Variants in TSPAN18 observed in about 807,000 individuals in gnomAD.
The protein encoded by TSPAN18 is tetraspanin 18, also known as tetraspanin-18.
A neutral mutation model predicts 27.3 loss-of-function variants in TSPAN18; 14 were observed. The observed-to-expected ratio is 0.51, with a 90% CI of 0.34 to 0.80. The LOEUF (loss-of-function observed/expected upper bound fraction) is 0.80, where lower values mean the gene tolerates loss of function less well. Ranked by LOEUF, TSPAN18 falls within the 30% of genes least tolerant of loss-of-function variation. TSPAN18 has a pLI of 0.01. For synonymous variants in TSPAN18, 143 were observed against 136.5 expected, an observed-to-expected ratio of 1.05 and a Z score of -0.33; for missense variants, 268 against 323.9, an observed-to-expected ratio of 0.83 and a Z score of 1.32.
intron 1 of TSPAN18, among the ~76,000 whole-genome samples, chr11:44,739,791 C>G (rs1441925465): frequency 8.0e-6 from 1 of 124,256 alleles, no homozygotes; most frequent in Non-Finnish European, 1.5e-5. Flanking sequence ...TGGGCTGCTC[C>G]TATGGGTTTT....
chr11:44,913,145 C>T (rs1859785686), intron 5 of TSPAN18, among the ~76,000 whole-genome samples: 2 of 152,244 alleles, frequency 1.3e-5, no homozygotes, highest in African/African-American at 4.8e-5. Context: ...ACTGCTTTCT[C>T]AGCCTGTCAG....
At chr11:44,915,879 C>T (rs1859888775) in intron 5 of TSPAN18, among the ~76,000 whole-genome samples, 1 of 152,198 alleles carries the variant, frequency 6.6e-6, no homozygotes, top group African/African-American at 2.4e-5. Flanking sequence ...GCCCGGCGGT[C>T]CCCTGTGAGA....
At chr11:44,804,602 G>A (rs1315805261) in intron 2 of TSPAN18, among the ~76,000 whole-genome samples, 2 of 152,154 alleles carry the variant, frequency 1.3e-5, no homozygotes, top group South Asian at 2.1e-4. Flanking sequence ...CAGAAGCTCC[G>A]TAACTAACAT....
chr11:44,731,633 T>TGTGTGAGAGAGAGAGAGAGAGAGA (rs139154582), intron 1 of TSPAN18, among the ~76,000 whole-genome samples: 5 of 107,382 alleles, frequency 4.7e-5, no homozygotes, highest in African/African-American at 1.8e-4. Context: ...TGTGTGTGTG[T>TGTGTGAGAGAGAGAGAGAGAGAGA]GAGAGAGAGA....
At chr11:44,831,337 C>T (rs1341079985) in intron 2 of TSPAN18, among the ~76,000 whole-genome samples, 3 of 152,052 alleles carry the variant, frequency 2.0e-5, no homozygotes, top group African/African-American at 7.2e-5. Flanking sequence ...TATGTATGCT[C>T]GGAGCTACAG....
chr11:44,920,025 G>A (rs1286063693), intron 8 of TSPAN18, 26 bp downstream of exon 8: 6 of 1,602,596 alleles, frequency 3.7e-6, no homozygotes, highest in South Asian at 1.1e-5. Context: ...TCCAGACAGG[G>A]GAGTGGGTCT....
At chr11:44,885,028 G>T (rs1858600961) in intron 3 of TSPAN18, among the ~76,000 whole-genome samples, 1 of 152,216 alleles carries the variant, frequency 6.6e-6, no homozygotes, top group South Asian at 2.1e-4. Flanking sequence ...ATGCCCAGTT[G>T]TCCACGTGCT....
intron 9 of TSPAN18, among the ~76,000 whole-genome samples, chr11:44,928,839 C>T (rs1860464773): frequency 6.6e-6 from 1 of 152,170 alleles, no homozygotes; most frequent in African/African-American, 2.4e-5. Context: ...GATACATACT[C>T]AGGCCCAGTG....
intron 1 of TSPAN18, among the ~76,000 whole-genome samples, chr11:44,733,639 T>C (rs1347047731): frequency 1.3e-5 from 2 of 152,124 alleles, no homozygotes; most frequent in African/African-American, 4.8e-5. Context: ...TTGCAGGAAC[T>C]ATCTGGAAAC....
intron 2 of TSPAN18, among the ~76,000 whole-genome samples, chr11:44,818,056 T>C (rs1218351092): frequency 6.6e-6 from 1 of 152,226 alleles, no homozygotes; most frequent in East Asian, 1.9e-4. Flanking sequence ...AGAGTTCTGA[T>C]TTTTTTCCAT....
chr11:44,879,752 A>T (rs1376607777), intron 3 of TSPAN18, among the ~76,000 whole-genome samples: 1 of 152,232 alleles, frequency 6.6e-6, no homozygotes, highest in Non-Finnish European at 1.5e-5. Context: ...AAATGACAGC[A>T]TGGGGGTAGA....
intron 2 of TSPAN18, among the ~76,000 whole-genome samples, chr11:44,777,520 T>A (rs1855840436): frequency 6.6e-6 from 1 of 152,202 alleles, no homozygotes; most frequent in African/African-American, 2.4e-5. Context: ...TGCAGCTAAG[T>A]GAATAGTCAC....
At chr11:44,782,275 G>A (rs956491603) in intron 2 of TSPAN18, among the ~76,000 whole-genome samples, 6 of 152,206 alleles carry the variant, frequency 3.9e-5, no homozygotes, top group South Asian at 2.1e-4. Context: ...AGCTGGGTGC[G>A]GTGGCTCATA....
chr11:44,869,566 G>A (rs1028179416), intron 3 of TSPAN18, among the ~76,000 whole-genome samples: 7 of 152,208 alleles, frequency 4.6e-5, no homozygotes, highest in Admixed American at 3.3e-4. Context: ...CAGGATAAAT[G>A]TCAGCTTCTC....
At chr11:44,817,205 C>A (rs1193373573) in intron 2 of TSPAN18, among the ~76,000 whole-genome samples, 1 of 152,264 alleles carries the variant, frequency 6.6e-6, no homozygotes, top group Non-Finnish European at 1.5e-5. Context: ...TCTGGCTTTG[C>A]TGCCTGCCCT....
chr11:44,808,300 C>T (rs1194546350), intron 2 of TSPAN18, among the ~76,000 whole-genome samples: 2 of 152,194 alleles, frequency 1.3e-5, no homozygotes, highest in Non-Finnish European at 2.9e-5. Flanking sequence ...CATCTTCCTC[C>T]AGCATCTTGA....
intron 3 of TSPAN18, among the ~76,000 whole-genome samples, chr11:44,899,710 C>T (rs1030996742): frequency 3.9e-5 from 6 of 152,232 alleles, no homozygotes; most frequent in Admixed American, 1.3e-4. Flanking sequence ...GCATTCCTGT[C>T]CCCATTTTGC....
At chr11:44,750,602 A>C in intron 1 of TSPAN18, among the ~76,000 whole-genome samples, 2 of 121,640 alleles carry the variant, frequency 1.6e-5, no homozygotes, top group Non-Finnish European at 3.4e-5. Flanking sequence ...CAGCCCCCAC[A>C]TCAATTTGGT....
intron 1 of TSPAN18, among the ~76,000 whole-genome samples, chr11:44,738,394 C>T (rs897402670): frequency 1.3e-5 from 2 of 152,210 alleles, no homozygotes; most frequent in Admixed American, 6.5e-5. Context: ...AGCTTTATCA[C>T]GTACCTGCTC....
Sources: allele counts gnomAD v4.1 joint callset (sites outside exome capture counted in the v4.1 genomes callset), GRCh38; gene constraint gnomAD v4.1.1; transcripts MANE v1.5; gene names NCBI Gene and HGNC (gene_info 2026-07-23, HGNC 2026-07-21).